The following ABHD18 variants were observed in gnomAD, a reference collection of about 807,000 sequenced individuals.
ABHD18 encodes the protein cardiolipin-specific deacylase, mitochondrial.
In ABHD18, 55 loss-of-function variants were observed where a neutral mutation model predicts 65.9. The observed-to-expected ratio is 0.84, with a 90% confidence interval of 0.67 to 1.05. The LOEUF is 1.05. Among genes scored for constraint, ABHD18 ranks in the 50% least tolerant of loss-of-function variants. The pLI is 0.00. For synonymous variants in ABHD18, 181 were observed against 180.2 expected, an observed-to-expected ratio of 1.00 and a Z score of -0.04; for missense variants, 533 against 558.5, an observed-to-expected ratio of 0.95 and a Z score of 0.46.
chr4:128,030,182 G>A (rs576168878), intron 11 of ABHD18, among the ~76,000 whole-genome samples: 1 of 152,090 alleles, frequency 6.6e-6, no homozygotes, highest in Non-Finnish European at 1.5e-5. Context: ...AAATGATTGA[G>A]GCGATGCATA....
intron 3 of ABHD18, among the ~76,000 whole-genome samples, chr4:127,988,138 G>T (rs564985803): frequency 1.1e-4 from 16 of 152,306 alleles, no homozygotes; most frequent in African/African-American, 3.9e-4. Context: ...GATAATAGTA[G>T]CGTTTTAAGT....
chr4:128,007,959 A>G (rs1316547952), intron 4 of ABHD18, among the ~76,000 whole-genome samples: 1 of 151,942 alleles, frequency 6.6e-6, no homozygotes. Context: ...AGTCGGAGCT[A>G]TATCTAAAGA....
chr4:128,001,592 A>G, intron 4 of ABHD18: 2 of 878,394 alleles, frequency 2.3e-6, no homozygotes, highest in Non-Finnish European at 3.2e-6. Context: ...AGTTATTTAT[A>G]TGTAAAGATG....
At chr4:127,980,988 C>G (rs1402817200) in intron 1 of ABHD18, among the ~76,000 whole-genome samples, 2 of 151,860 alleles carry the variant, frequency 1.3e-5, no homozygotes, top group Non-Finnish European at 2.9e-5. Flanking sequence ...TATGAATTAT[C>G]TGTACCTGTG....
chr4:128,004,456 A>C (rs948105126), intron 4 of ABHD18, among the ~76,000 whole-genome samples: 1 of 152,036 alleles, frequency 6.6e-6, no homozygotes, highest in Non-Finnish European at 1.5e-5. Context: ...CATCTCAAAA[A>C]AAAAAGAAAA....
intron 12 of ABHD18, among the ~76,000 whole-genome samples, chr4:128,032,992 G>T (rs149033376): frequency 1.3e-5 from 2 of 152,018 alleles, no homozygotes; most frequent in South Asian, 4.2e-4. Context: ...GGTGGCTCAC[G>T]CCTGTAATCC....
chr4:127,970,740 G>A (rs981362358), intron 1 of ABHD18, among the ~76,000 whole-genome samples: 2 of 151,806 alleles, frequency 1.3e-5, no homozygotes, highest in East Asian at 1.9e-4. Context: ...TCAGGAGTTC[G>A]AGACTAGCCT....
At chr4:127,990,391 CA>C (rs1308300419) in intron 4 of ABHD18, among the ~76,000 whole-genome samples, 1 of 152,054 alleles carries the variant, frequency 6.6e-6, no homozygotes, top group Admixed American at 6.6e-5. Context: ...GGCGAAACCC[CA>C]TCTCTACTGA....
At chr4:128,020,275 T>A in intron 9 of ABHD18, 106 bp downstream of exon 9, 2 of 754,644 alleles carry the variant, frequency 2.7e-6, no homozygotes, top group Non-Finnish European at 2.3e-6. Flanking sequence ...AAGAAAGAAT[T>A]ATAGGACTCA....
intron 4 of ABHD18, among the ~76,000 whole-genome samples, chr4:127,995,918 C>T (rs1305457689): frequency 1.3e-5 from 2 of 152,114 alleles, no homozygotes; most frequent in Non-Finnish European, 1.5e-5. Flanking sequence ...CTGGTAATTC[C>T]CTGTGTCTAA....
chr4:127,987,507 C>T (rs547257385), intron 3 of ABHD18, among the ~76,000 whole-genome samples: 76 of 152,002 alleles, frequency 5.0e-4, no homozygotes, highest in Non-Finnish European at 9.3e-4. Context: ...GTCAGAAGTT[C>T]GAGACCAGCC....
At chr4:128,014,824 A>G (rs1348935470) in intron 7 of ABHD18, among the ~76,000 whole-genome samples, 1 of 152,054 alleles carries the variant, frequency 6.6e-6, no homozygotes, top group East Asian at 1.9e-4. Context: ...CACGCCTGTA[A>G]TCCCAGCACT....
intron 4 of ABHD18, among the ~76,000 whole-genome samples, chr4:128,004,628 G>C (rs1753276199): frequency 6.6e-6 from 1 of 151,726 alleles, no homozygotes; most frequent in African/African-American, 2.4e-5. Flanking sequence ...TTATACGTGA[G>C]AGCCGGGCGC....
At chr4:127,973,725 G>A (rs1394011196) in intron 1 of ABHD18, among the ~76,000 whole-genome samples, 2 of 149,244 alleles carry the variant, frequency 1.3e-5, no homozygotes, top group Non-Finnish European at 2.9e-5. Context: ...AGAAATAGCT[G>A]CCATGTTGTG....
At chr4:128,000,613 A>G (rs761134042) in intron 4 of ABHD18, among the ~76,000 whole-genome samples, 2 of 152,048 alleles carry the variant, frequency 1.3e-5, no homozygotes, top group African/African-American at 4.8e-5. Flanking sequence ...TTGGTGATTC[A>G]TGCTCTTTTT....
intron 7 of ABHD18, 82 bp downstream of exon 7, chr4:128,011,782 C>A: frequency 2.1e-5 from 18 of 872,646 alleles, no homozygotes; most frequent in Admixed American, 3.1e-5. Context: ...TTCAGTTAAC[C>A]ATTTCTAAAT....
At chr4:128,025,688 G>C (rs765191568) in intron 10 of ABHD18, among the ~76,000 whole-genome samples, 3 of 152,126 alleles carry the variant, frequency 2.0e-5, no homozygotes, top group South Asian at 2.1e-4. Context: ...GTTAGATTTT[G>C]TCTAATTCTG....
At position 127,983,575 on chromosome 4, in the gene ABHD18, A is replaced by T. The variant is rs571087345; in HGVS notation, c.92+528A>T. ...TGGTAAAACCATCTCTACTAAACAT[A>T]AAAAAATTGGCTGGGCGCGGTGGCT... On this transcript the variant is annotated intron_variant, in intron 2 of 12. Coordinates refer to ENST00000645843, the MANE Select transcript of ABHD18 (RefSeq NM_001358451.3). Among the ~76,000 whole-genome samples the T allele has an allele frequency of 2.6e-5, 4 of 152,034 alleles. No homozygotes were observed. In the South Asian group the frequency reaches 8.3e-4, roughly 32 times the overall value.
intron 4 of ABHD18, among the ~76,000 whole-genome samples, chr4:127,994,126 G>A (rs138571837): frequency 2.0e-4 from 30 of 152,192 alleles, no homozygotes; most frequent in African/African-American, 7.2e-4. Context: ...ATTCTTTTCC[G>A]TTAAAGAACA....
Sources: allele counts gnomAD v4.1 joint callset (sites outside exome capture counted in the v4.1 genomes callset), GRCh38; gene constraint gnomAD v4.1.1; transcripts MANE v1.5; gene names NCBI Gene and HGNC (gene_info 2026-07-23, HGNC 2026-07-21).